Variants in DSPP observed in about 807,000 individuals in gnomAD.
The protein encoded by DSPP is deafness, autosomal dominant 39.
DSPP carries 28 observed loss-of-function variants against 29.1 expected under a neutral mutation model. The observed-to-expected ratio is 0.96, with a 90% CI of 0.71 to 1.32. DSPP has a LOEUF of 1.32. Among genes scored for constraint, DSPP ranks in the 40% most tolerant of loss-of-function variants. DSPP has a pLI of 0.00. For synonymous variants in DSPP, 481 were observed against 503.4 expected (o/e 0.96, Z 0.60); for missense variants, 1,281 against 1,629.9 (o/e 0.79, Z 3.69).
chr4:87,609,548 T>C (rs1186777157), intron 1 of DSPP, among the ~76,000 whole-genome samples: 1 of 152,226 alleles, frequency 6.6e-6, no homozygotes, highest in Non-Finnish European at 1.5e-5. Context: ...GAAGGAGCTC[T>C]AGCTGTTCTT....
rs375444673 is a variant in DSPP at position 87,616,187 on chromosome 4, T to G, written c.3525T>G (p.Ser1175Arg). Reference sequence around the variant, plus strand: ...ACAGCAGCGACAGCAGCGATAGCAGTGACAGCAGCAATAGCAGTGATAGCA... The same window carrying G: ...ACAGCAGCGACAGCAGCGATAGCAGGGACAGCAGCAATAGCAGTGATAGCA... ...SSDSSDSSDS[S>R]DSSNSSDSSD... The change falls in exon 5 of 5, where the codon AGT (serine) becomes AGG (arginine). Residue 1175 changes from serine (S) to arginine (R), a missense_variant. Ser to Arg is a moderately radical substitution (Grantham distance 110, BLOSUM62 -1). Around this residue, in one of 4 missense-constraint regions of DSPP, gnomAD observed 134 missense variants for 185.0 expected, o/e 0.72. Transcript: ENST00000651931. The G allele has an allele frequency of 6.5e-7, 1 of 1,528,128 alleles. No individual in the cohort carries two copies. The highest frequency in any genetic ancestry group is 1.2e-5 in the South Asian group (1 of 82,610). 94.7% of individuals were successfully genotyped at this position (1,528,128 alleles called of 1,614,324 possible).
In DSPP at chr4:87,613,775, C is replaced by T; in HGVS notation, c.1123-10C>T. The T allele has an allele frequency of 6.2e-7, 1 of 1,614,144 alleles. No homozygotes were observed. The highest frequency in any genetic ancestry group is 8.5e-7 in the Non-Finnish European group (1 of 1,180,020). ...ACTAGTTAATCATTCTTTCCTCCAT[C>T]CTTCCATAGGGAATAGAAATCAAGG... On this transcript the variant is annotated splice_polypyrimidine_tract_variant and intron_variant, in intron 4 of 4. Transcript: ENST00000651931.
chr4:87,612,021 G>A, intron 2 of DSPP, 84 bp from the exon 3 acceptor site: 1 of 790,112 alleles, frequency 1.3e-6, no homozygotes, highest in Non-Finnish European at 1.9e-6. Flanking sequence ...TTGTGTGTGT[G>A]TGTGTGTGTG....
chr4:87,610,893 A>ATTAT lies in DSPP; in HGVS notation c.-14_-11dup. On this transcript the variant is annotated 5_prime_UTR_variant, in exon 2 of 5. Transcript: ENST00000651931. The stretch of plus-strand genomic sequence containing the variant: ...CTTTTTTATACAGCCATTGATTATT[A>ATTAT]TTATTCCTAAAGAAAATGAAGATAA... The ATTAT allele has an allele frequency of 6.2e-7, 1 of 1,607,940 alleles. No homozygotes were observed. Among genetic ancestry groups the ATTAT allele is most frequent in the South Asian group, 1.1e-5 (1 of 90,928 alleles).
intron 1 of DSPP, among the ~76,000 whole-genome samples, chr4:87,610,638 C>T (rs1727715769): frequency 6.6e-6 from 1 of 152,080 alleles, no homozygotes; most frequent in Non-Finnish European, 1.5e-5. Flanking sequence ...GCCCTTTGTA[C>T]CTATTATGGC....
At position 87,614,928 on chromosome 4, in the gene DSPP, A is replaced by G. The variant is rs1337789572; in HGVS notation, c.2266A>G (p.Ser756Gly). ...TGACAGCAGCAACAGCAGTGACAGTAGCGATAGCAGTGACAGCAGCAACAG... is the reference window on the plus strand; with the variant it reads ...TGACAGCAGCAACAGCAGTGACAGTGGCGATAGCAGTGACAGCAGCAACAG... The part of the protein sequence containing the change: ...SSDSSNSSDS[S>G]DSSDSSNSSD... Residue 756 changes from serine to glycine, a missense_variant, in exon 5 of 5, where the codon AGC (serine) becomes GGC (glycine). Physicochemically the swap from Ser to Gly is moderately conservative, Grantham distance 56. This residue lies in a region of DSPP where 444 missense variants were observed against 611.4 expected (regional missense o/e 0.73). Coordinates refer to ENST00000651931, the MANE Select transcript of DSPP (RefSeq NM_014208.3). The G allele has an allele frequency of 1.3e-6, 2 of 1,551,122 alleles. No individual in the cohort carries two copies. Among genetic ancestry groups the G allele is most frequent in the Admixed American group, 2.0e-5 (1 of 50,968 alleles).
chr4:87,613,201 C>T lies in DSPP; in HGVS notation c.1015C>T (p.Gln339Ter). 1.2e-6 allele frequency: 2 copies of T among 1,613,866 alleles called. No homozygotes were observed. Among genetic ancestry groups the T allele is most frequent in the Non-Finnish European group, 1.7e-6 (2 of 1,179,990 alleles). The change falls in exon 4 of 5, where the codon CAA (glutamine) becomes TAA (stop). Residue 339 changes from glutamine to a stop codon, truncating the protein, a stop_gained. Transcript: ENST00000651931. LOFTEE classifies it high-confidence loss of function. ...TGGTATTCCAGAAGACAATGGCAGC[C>T]AAAGAATAGAGGACACCCAGAAGCT... ...SAGIPEDNGS[Q>*]RIEDTQKLNH...
At position 87,616,749 on chromosome 4, in the gene DSPP, C is replaced by T. The variant is rs1727966289; in HGVS notation, c.*181C>T. On this transcript the variant is annotated 3_prime_UTR_variant, in exon 5 of 5. Coordinates refer to ENST00000651931, the MANE Select transcript of DSPP (RefSeq NM_014208.3). ...AACCAAGACCTAACTCCTGCAGAGA[C>T]AGACTCTGAATGCATGACCTTTGGT... 2 of 954,226 alleles carry T rather than the reference C, an allele frequency of 2.1e-6. No individual in the cohort carries two copies. Among genetic ancestry groups the T allele is most frequent in the East Asian group, 5.2e-5 (2 of 38,226 alleles). The allele number at this position is 954,226 out of a possible 1,614,324, so 59.1% of individuals were successfully genotyped here.
At chr4:87,609,351 T>G (rs939737443) in intron 1 of DSPP, among the ~76,000 whole-genome samples, 6 of 152,224 alleles carry the variant, frequency 3.9e-5, no homozygotes, top group Non-Finnish European at 8.8e-5. Context: ...TCCAGTATGC[T>G]GAGGCTCTTC....
Position 87,612,798 on chromosome 4 carries a change from T to C in DSPP, c.612T>C (p.Cys204=), listed in dbSNP as rs2109995701. The C allele has an allele frequency of 6.2e-7, 1 of 1,614,120 alleles. No homozygotes were observed. Among genetic ancestry groups the C allele is most frequent in the Non-Finnish European group, 8.5e-7 (1 of 1,180,020 alleles). ...DNEDEIIENS[C]RNEGNTSEIT... Reference sequence around the variant, plus strand: ...AGGATGAAATAATTGAGAATTCCTGTAGAAACGAGGGTAATACAAGTGAAA... The same window carrying C: ...AGGATGAAATAATTGAGAATTCCTGCAGAAACGAGGGTAATACAAGTGAAA... Residue 204 remains cysteine (C), a synonymous_variant, in exon 4 of 5, where the codon TGT becomes TGC. Transcript: ENST00000651931.
chr4:87,616,080 A>AGCAGTGACAGCAGCG lies in DSPP; in HGVS notation c.3418_3419insGCAGTGACAGCAGCG (p.Asn1140delinsSerSerAspSerSerAsp), dbSNP rs774367719. 2.3e-4 allele frequency: 14 copies of AGCAGTGACAGCAGCG among 61,336 alleles called. 6 individuals carry two copies. In the African/African-American group the frequency reaches 5.0e-3, roughly 22 times the overall value. 3.8% of individuals were successfully genotyped at this position (61,336 alleles called of 1,614,324 possible). A position where few individuals can be genotyped will look rare whatever the true frequency, so the allele number is the denominator to read the frequency against. ...CAGCAGTGATAGCAGTGACAGCAGC[A>AGCAGTGACAGCAGCG]ACAGCAGTGACAGCAGTGACAGCAG... On this transcript the variant is annotated protein_altering_variant, in exon 5 of 5. Transcript: ENST00000651931.
In DSPP at chr4:87,612,763, A is replaced by G. The variant is rs182916223; in HGVS notation, c.577A>G (p.Thr193Ala). 1 of 1,614,216 alleles carries G rather than the reference A, an allele frequency of 6.2e-7. No homozygotes were observed. Among genetic ancestry groups the G allele is most frequent in the East Asian group, 2.2e-5 (1 of 44,888 alleles). The change falls in exon 4 of 5, where the codon ACA becomes GCA. Residue 193 changes from threonine to alanine, a missense_variant. Thr to Ala is a moderately conservative substitution (Grantham distance 58). Around this residue, in one of 4 missense-constraint regions of DSPP, gnomAD observed 631 missense variants for 643.2 expected, o/e 0.98. Coordinates refer to ENST00000651931, the MANE Select transcript of DSPP (RefSeq NM_014208.3). ...GPQVAGSNNSTDNEDEIIENS... is the reference protein window; with the variant it reads ...GPQVAGSNNSADNEDEIIENS... ...TCAAGTAGCTGGAAGCAATAACAGTACAGACAATGAGGATGAAATAATTGA... is the reference window on the plus strand; with the variant it reads ...TCAAGTAGCTGGAAGCAATAACAGTGCAGACAATGAGGATGAAATAATTGA...
Position 87,614,861 on chromosome 4 carries a change from TAGCAGTGACAGCAGCAAC to T in DSPP, c.2214_2231del (p.Asn739_Ser744del), listed in dbSNP as rs751587122. On this transcript the variant is annotated inframe_deletion, in exon 5 of 5. Transcript: ENST00000651931. ...ATAGTGACAGCAGCAACAGCAGCGA[TAGCAGTGACAGCAGCAAC>T]AGCAGTGACAGCAGTGATAGCAGTG... is the stretch of plus-strand genomic sequence containing the variant. 0.1 allele frequency: 161,417 copies of T among 1,549,924 alleles called. 9,532 individuals carry two copies. The highest frequency in any genetic ancestry group is 0.12 in the Non-Finnish European group (140,148 of 1,146,518).
chr4:87,610,868 C>T lies in DSPP; in HGVS notation c.-28-13C>T. ...CTTTATAAGTAATTTTGTGCTGTTC[C>T]TTTTTTATACAGCCATTGATTATTA... On this transcript the variant is annotated splice_polypyrimidine_tract_variant and intron_variant, in intron 1 of 4. Transcript: ENST00000651931. The T allele has an allele frequency of 2.6e-6, 4 of 1,560,332 alleles. No individual in the cohort carries two copies. In the East Asian group the frequency reaches 6.7e-5, roughly 26 times the overall value.
chr4:87,616,780 C>T lies in DSPP; in HGVS notation c.*212C>T. Reference sequence around the variant, plus strand: ...CTGAATGCATGACCTTTGGTACATGCCTGTTAATATTCATGTTCTGAAAAT... The same window carrying T: ...CTGAATGCATGACCTTTGGTACATGTCTGTTAATATTCATGTTCTGAAAAT... On this transcript the variant is annotated 3_prime_UTR_variant, in exon 5 of 5. Transcript: ENST00000651931. 1.4e-6 allele frequency: 1 copy of T among 705,244 alleles called. No homozygotes were observed. Among genetic ancestry groups the T allele is most frequent in the Admixed American group, 2.9e-5 (1 of 34,624 alleles). 43.7% of individuals were successfully genotyped at this position (705,244 alleles called of 1,614,324 possible).
rs36228864 is a variant in DSPP, at chr4:87,612,011, TTG to T, written c.52-65_52-64del. The T allele has an allele frequency of 0.047, 48,622 of 1,039,370 alleles. 1,075 individuals are homozygous for T. The highest frequency in any genetic ancestry group is 0.21 in the African/African-American group (13,112 of 61,032). The allele number at this position is 1,039,370 out of a possible 1,614,324, so 64.4% of individuals were successfully genotyped here. On this transcript the variant is annotated intron_variant, in intron 2 of 4. Transcript: ENST00000651931. ...TTCTTCTTCATGGAGGGAAGAATATTTGTGTGTGTGTGTGTGTGTGTGTGTGT... is the reference window on the plus strand; with the variant it reads ...TTCTTCTTCATGGAGGGAAGAATATTTGTGTGTGTGTGTGTGTGTGTGTGT...
At position 87,614,886 on chromosome 4, in the gene DSPP, G is replaced by A. The variant is rs576025420; in HGVS notation, c.2224G>A (p.Asp742Asn). The A allele has an allele frequency of 6.5e-7, 1 of 1,547,166 alleles. No homozygotes were observed. Among genetic ancestry groups the A allele is most frequent in the African/African-American group, 1.4e-5 (1 of 72,702 alleles). ...TAGCAGTGACAGCAGCAACAGCAGTGACAGCAGTGATAGCAGTGACAGCAG... is the reference window on the plus strand; with the variant it reads ...TAGCAGTGACAGCAGCAACAGCAGTAACAGCAGTGATAGCAGTGACAGCAG... Reference protein sequence around the residue: ...SDSSDSSNSSDSSDSSDSSNS... With the variant: ...SDSSDSSNSSNSSDSSDSSNS... The change falls in exon 5 of 5, where the codon GAC becomes AAC. Residue 742 changes from aspartate (D) to asparagine (N), a missense_variant. Asp to Asn is a conservative substitution (Grantham distance 23). This residue lies in a region of DSPP where 444 missense variants were observed against 611.4 expected (regional missense o/e 0.73). Coordinates refer to ENST00000651931, the MANE Select transcript of DSPP (RefSeq NM_014208.3).
In DSPP at chr4:87,616,265, C is replaced by A; in HGVS notation, c.3603C>A (p.Ser1201Arg). 1 of 1,397,618 alleles carries A rather than the reference C, an allele frequency of 7.2e-7. No homozygotes were observed. The highest frequency in any genetic ancestry group is 1.3e-5 in the South Asian group (1 of 74,190). The allele number at this position is 1,397,618 out of a possible 1,614,324, so 86.6% of individuals were successfully genotyped here. Reference sequence around the variant, plus strand: ...GCGACAGCAGCGATAGCAGCGACAGCAGCGATAGTAGTGATAGCAGTGACA... The same window carrying A: ...GCGACAGCAGCGATAGCAGCGACAGAAGCGATAGTAGTGATAGCAGTGACA... ...DSSDSSDSSD[S>R]SDSSDSSDSS... The change falls in exon 5 of 5, where the codon AGC (serine) becomes AGA (arginine). Residue 1201 changes from serine (S) to arginine (R), a missense_variant. Transcript: ENST00000651931.
At chr4:87,609,669 A>G (rs1395414578) in intron 1 of DSPP, among the ~76,000 whole-genome samples, 1 of 152,200 alleles carries the variant, frequency 6.6e-6, no homozygotes, top group African/African-American at 2.4e-5. Flanking sequence ...GACAGTTGAT[A>G]TTCAGTGAAG....
Sources: gnomAD v4.1 joint callset for allele counts (sites outside exome capture counted in the v4.1 genomes callset) on GRCh38, gnomAD v4.1.1 for gene constraint, gnomAD v4.1.1 regional missense constraint, MANE v1.5 for transcripts, NCBI Gene and HGNC (gene_info 2026-07-23, HGNC 2026-07-21) for gene names.